The following TNPO3 variants were observed in gnomAD, a reference collection of about 807,000 sequenced individuals.
TNPO3 encodes transportin 3, also known as transportin-3.
TNPO3 carries 65 observed loss-of-function variants against 122.8 expected under a neutral mutation model. The observed-to-expected ratio is 0.53, with a 90% CI of 0.43 to 0.65. The LOEUF (loss-of-function observed/expected upper bound fraction) is 0.65, where lower values mean the gene tolerates loss of function less well. Among genes scored for constraint, TNPO3 ranks in the 30% least tolerant of loss-of-function variants. TNPO3 has a pLI of 0.00. For missense variants in TNPO3, 850 were observed against 1,136.7 expected, an observed-to-expected ratio of 0.75 and a Z score of 3.63; for synonymous variants, 372 against 411.2, an observed-to-expected ratio of 0.90 and a Z score of 1.15.
At position 128,980,047 on chromosome 7, in the gene TNPO3, A is replaced by G. The variant is rs1281167259; in HGVS notation, c.1860-16T>C. On this transcript the variant is annotated splice_polypyrimidine_tract_variant and intron_variant, in intron 14 of 22. Transcript: ENST00000265388. ...ATTGGTATGCCTGGGAAAAGACAAC[A>G]GCCCAAAATAGTGAACAAAGACCAA... 1 of 1,613,566 alleles carries G rather than the reference A, an allele frequency of 6.2e-7. No individual in the cohort carries two copies. Among genetic ancestry groups the G allele is most frequent in the Non-Finnish European group, 8.5e-7 (1 of 1,179,452 alleles).
chr7:128,971,557 A>G (rs1159724174), intron 19 of TNPO3, among the ~76,000 whole-genome samples: 2 of 152,176 alleles, frequency 1.3e-5, no homozygotes, highest in Non-Finnish European at 2.9e-5. Context: ...CAAACTTCTT[A>G]AATGAATAGC....
rs954937753 is a variant in TNPO3, at chr7:129,050,417, C to T, written c.120+4234G>A. Among the ~76,000 whole-genome samples, 739 of 145,388 alleles carry T rather than the reference C, an allele frequency of 5.1e-3. 11 individuals carry two copies. Among genetic ancestry groups the T allele is most frequent in the African/African-American group, 0.018 (698 of 38,836 alleles). ...AAAAAAAAAAGGGTGGGGGGGGAAT[C>T]GGCTAGTAATGCAGCCTTAAAACAA... On this transcript the variant is annotated intron_variant, in intron 1 of 22. Transcript: ENST00000265388.
chr7:129,026,358 G>C (rs1031925290), intron 1 of TNPO3, among the ~76,000 whole-genome samples: 2 of 151,282 alleles, frequency 1.3e-5, no homozygotes, highest in Non-Finnish European at 2.9e-5. Context: ...GGATGCACAG[G>C]AGATTTATTT....
rs547598255 is a variant in TNPO3 at position 128,970,164 on chromosome 7, A to G, written c.2582T>C (p.Met861Thr). 6.2e-7 allele frequency: 1 copy of G among 1,614,194 alleles called. No homozygotes were observed. Among genetic ancestry groups the G allele is most frequent in the South Asian group, 1.1e-5 (1 of 91,086 alleles). ...PDVAEVLWEIMQVDRPTFCRW... is the reference protein window; with the variant it reads ...PDVAEVLWEITQVDRPTFCRW... Reference sequence around the variant, plus strand: ...CAATCTTACCGGTCTGTCAACCTGCATGATCTCCCAGAGCACTTCAGCCAC... The same window carrying G: ...CAATCTTACCGGTCTGTCAACCTGCGTGATCTCCCAGAGCACTTCAGCCAC... The change falls in exon 20 of 23, where the codon ATG becomes ACG. Residue 861 changes from methionine to threonine, a missense_variant. Met to Thr is a moderately conservative substitution (Grantham distance 81, BLOSUM62 -1). Coordinates refer to ENST00000265388, the MANE Select transcript of TNPO3 (RefSeq NM_012470.4).
intron 1 of TNPO3, among the ~76,000 whole-genome samples, chr7:129,046,195 CAAAAA>C (rs5887409): frequency 1.5e-4 from 12 of 79,302 alleles, no homozygotes; most frequent in African/African-American, 4.0e-4. Context: ...GACTCCGTCT[CAAAAA>C]AAAAAAAAAA....
At position 129,015,037 on chromosome 7, in the gene TNPO3, C is replaced by T. The variant is rs1803676544; in HGVS notation, c.494G>A (p.Arg165Gln). Reference protein sequence around the residue: ...HSRSLRIGANRRTEIIEDLAF... With the variant: ...HSRSLRIGANQRTEIIEDLAF... ...CAAATCTTCTATAATTTCTGTGCGCCGATTAGCTCCAATTCGTAAGGAACG... is the reference window on the plus strand; with the variant it reads ...CAAATCTTCTATAATTTCTGTGCGCTGATTAGCTCCAATTCGTAAGGAACG... The change falls in exon 4 of 23, where the codon CGG (arginine) becomes CAG (glutamine). Residue 165 changes from arginine to glutamine, a missense_variant. Coordinates refer to ENST00000265388, the MANE Select transcript of TNPO3 (RefSeq NM_012470.4). 4 of 1,612,802 alleles carry T rather than the reference C, an allele frequency of 2.5e-6. No individual in the cohort carries two copies. The highest frequency in any genetic ancestry group is 1.1e-5 in the South Asian group (1 of 90,692).
In TNPO3 at chr7:128,984,248, C is replaced by G; in HGVS notation, c.1702G>C (p.Val568Leu). ...TTATCCAAAGGTAATCGGGCTAGGA[C>G]AAGTGCTGTCCCTGAAAAACAAAGG... is the stretch of plus-strand genomic sequence containing the variant. ...AVGLLKGTALVLARLPLDKIT... is the reference protein window; with the variant it reads ...AVGLLKGTALLLARLPLDKIT... The change falls in exon 13 of 23, where the codon GTC (valine) becomes CTC (leucine). Residue 568 changes from valine to leucine, a missense_variant. By Grantham distance (32) the Val-to-Leu change is conservative (BLOSUM62 1). Transcript: ENST00000265388. 6.2e-7 allele frequency: 1 copy of G among 1,610,328 alleles called. No individual in the cohort carries two copies. The highest frequency in any genetic ancestry group is 8.5e-7 in the Non-Finnish European group (1 of 1,178,456).
At chr7:128,967,174 A>G (rs555702630) in intron 21 of TNPO3, 106 bp downstream of exon 21, 3 of 754,694 alleles carry the variant, frequency 4.0e-6, no homozygotes, top group South Asian at 3.4e-5. Flanking sequence ...GTGCAATTCA[A>G]GGTTAAACAA....
At chr7:128,962,393 C>T (rs1160593949) in intron 21 of TNPO3, among the ~76,000 whole-genome samples, 4 of 146,348 alleles carry the variant, frequency 2.7e-5, no homozygotes, top group Non-Finnish European at 6.0e-5. Flanking sequence ...AAAAAAAAAG[C>T]TAGGGAATTA....
chr7:129,045,550 A>C (rs996475383), intron 1 of TNPO3, among the ~76,000 whole-genome samples: 11 of 150,178 alleles, frequency 7.3e-5, no homozygotes, highest in African/African-American at 2.2e-4. Context: ...TTTTGCCACA[A>C]AAAAAAAAAA....
intron 16 of TNPO3, among the ~76,000 whole-genome samples, chr7:128,976,695 TAAG>T (rs1384761849): frequency 3.9e-5 from 6 of 152,188 alleles, no homozygotes; most frequent in African/African-American, 1.4e-4. Flanking sequence ...CTCCCAGAAT[TAAG>T]AAACAATTGT....
chr7:129,034,718 T>G (rs1004817690), intron 1 of TNPO3, among the ~76,000 whole-genome samples: 2 of 144,786 alleles, frequency 1.4e-5, no homozygotes, highest in African/African-American at 5.1e-5. Flanking sequence ...TGAAACCCCA[T>G]CTCTACTAAA....
At chr7:129,013,898 C>T (rs1365576435) in intron 4 of TNPO3, among the ~76,000 whole-genome samples, 1 of 151,640 alleles carries the variant, frequency 6.6e-6, no homozygotes, top group Non-Finnish European at 1.5e-5. Flanking sequence ...GCTTTCACTG[C>T]TATGTTGGAG....
intron 21 of TNPO3, among the ~76,000 whole-genome samples, chr7:128,962,777 A>T (rs1797592501): frequency 6.6e-6 from 1 of 151,768 alleles, no homozygotes; most frequent in Admixed American, 6.6e-5. Context: ...TTGGTGGTGC[A>T]CCTTATTTTC....
intron 4 of TNPO3, among the ~76,000 whole-genome samples, chr7:129,008,892 C>T (rs1259419059): frequency 6.6e-6 from 1 of 152,212 alleles, no homozygotes; most frequent in Non-Finnish European, 1.5e-5. Flanking sequence ...CTTGTACATT[C>T]TAACTATTGA....
rs199826657 is a variant in TNPO3 at position 128,975,918 on chromosome 7, G to A, written c.2079C>T (p.His693=). Residue 693 remains histidine, a synonymous_variant, in exon 17 of 23, where the codon CAC becomes CAT. Coordinates refer to ENST00000265388, the MANE Select transcript of TNPO3 (RefSeq NM_012470.4). ...ACAGGAAGCAGGAATGCTGATGTAC[G>A]TGGTACACATTCACCATCTGTTGAG... The part of the protein sequence containing the change: ...PLVTQMVNVY[H]VHQHSCFLYL... 1.3e-4 allele frequency: 212 copies of A among 1,612,352 alleles called. No homozygotes were observed. The highest frequency in any genetic ancestry group is 2.5e-4 in the Admixed American group (15 of 60,022).
At chr7:128,987,958 C>CA (rs1178692162) in intron 11 of TNPO3, among the ~76,000 whole-genome samples, 1 of 151,996 alleles carries the variant, frequency 6.6e-6, no homozygotes, top group Non-Finnish European at 1.5e-5. Context: ...TGGAAAGAAT[C>CA]AAAATAATAA....
At chr7:128,961,441 G>A (rs1461687964) in intron 21 of TNPO3, among the ~76,000 whole-genome samples, 1 of 152,114 alleles carries the variant, frequency 6.6e-6, no homozygotes, top group South Asian at 2.1e-4. Flanking sequence ...GTGTCCGGTA[G>A]GCTATACCAT....
chr7:129,013,391 CAA>C (rs1193605896), intron 4 of TNPO3, among the ~76,000 whole-genome samples: 1 of 139,716 alleles, frequency 7.2e-6, no homozygotes, highest in Non-Finnish European at 1.6e-5. Context: ...ACCCATCCAA[CAA>C]GAGATTAGTA....
Sources: allele counts gnomAD v4.1 joint callset (sites outside exome capture counted in the v4.1 genomes callset), GRCh38; gene constraint gnomAD v4.1.1; transcripts MANE v1.5; gene names NCBI Gene and HGNC (gene_info 2026-07-23, HGNC 2026-07-21).